Variants in GRIA3 observed in about 807,000 individuals in gnomAD.
GRIA3 encodes glutamate receptor 3.
Under a neutral mutation model 63.0 loss-of-function variants are expected in GRIA3, and 3 were observed. The ratio of observed to expected loss-of-function variants is 0.05; its 90% CI spans 0.02 to 0.12. The LOEUF is 0.12. Ranked by LOEUF, GRIA3 falls within the 10% of genes least tolerant of loss-of-function variation. GRIA3 has a pLI of 1.00. For missense variants in GRIA3, 347 were observed against 700.9 expected, an observed-to-expected ratio of 0.50 and a Z score of 5.70; for synonymous variants, 274 against 257.9, an observed-to-expected ratio of 1.06 and a Z score of -0.60.
chrX:123,251,607 C>T (rs772811444), intron 2 of GRIA3, among the ~76,000 whole-genome samples: 109 of 110,667 alleles, frequency 9.8e-4, no homozygotes, highest in Middle Eastern at 4.6e-3. Context: ...AGCTAATTTT[C>T]GTATTTTTAG....
At chrX:123,214,528 T>A (rs774974662) in intron 2 of GRIA3, among the ~76,000 whole-genome samples, 54 of 111,814 alleles carry the variant, frequency 4.8e-4, no homozygotes, top group Non-Finnish European at 8.7e-4. Context: ...TTCTCACAGT[T>A]GAAATCAGTC....
chrX:123,480,506 A>C (rs1006375274), intron 14 of GRIA3, among the ~76,000 whole-genome samples: 1 of 112,022 alleles, frequency 8.9e-6, no homozygotes, highest in Admixed American at 9.4e-5. Context: ...TATAATAACA[A>C]TAACAACAAC....
intron 10 of GRIA3, among the ~76,000 whole-genome samples, chrX:123,406,514 T>G (rs1354212901): frequency 9.0e-6 from 1 of 111,645 alleles, no homozygotes; most frequent in Admixed American, 9.5e-5. Flanking sequence ...AACAGGCCTT[T>G]GGGAGGAACC....
intron 2 of GRIA3, among the ~76,000 whole-genome samples, chrX:123,206,514 C>T (rs776109582): frequency 5.0e-4 from 56 of 112,146 alleles, no homozygotes; most frequent in African/African-American, 1.7e-3. Context: ...AATAAAAGAA[C>T]GCAGTGCCAA....
chrX:123,285,577 CAAAAAAAAAA>C lies in GRIA3; in HGVS notation c.508+32051_508+32060del, dbSNP rs59101106. ...AAATACTTTCCAAGCAAATGAAAAG[CAAAAAAAAAA>C]AAAAAAAAAAAAAAAGCAGGGGTTG... On this transcript the variant is annotated intron_variant, in intron 3 of 15. Transcript: ENST00000620443. 3.0e-4 allele frequency among the ~76,000 whole-genome samples: 3 copies of C among 10,168 alleles called. 1 individual carries two copies. The highest frequency in any genetic ancestry group is 1.3e-3 in the African/African-American group (3 of 2,341). The allele number at this position is 10,168 out of a possible 115,157, so 8.8% of individuals were successfully genotyped here.
At chrX:123,325,622 T>G (rs1285668782) in intron 3 of GRIA3, among the ~76,000 whole-genome samples, 1 of 112,098 alleles carries the variant, frequency 8.9e-6, no homozygotes, top group Non-Finnish European at 1.9e-5. Flanking sequence ...CTATCTCTAC[T>G]GAAGTTATTT....
chrX:123,232,680 C>G (rs1423465126), intron 2 of GRIA3, among the ~76,000 whole-genome samples: 1 of 110,933 alleles, frequency 9.0e-6, no homozygotes, highest in African/African-American at 3.3e-5. Flanking sequence ...ATCTCACGTA[C>G]TTTATAAATA....
chrX:123,192,435 A>G (rs1927462468), intron 2 of GRIA3, among the ~76,000 whole-genome samples: 2 of 111,448 alleles, frequency 1.8e-5, no homozygotes, highest in Admixed American at 9.5e-5. Flanking sequence ...TCTCACCGTC[A>G]CTAAATAGTA....
intron 5 of GRIA3, among the ~76,000 whole-genome samples, chrX:123,361,009 A>G (rs747130250): frequency 1.3e-4 from 14 of 109,407 alleles, no homozygotes; most frequent in Non-Finnish European, 1.9e-4. Flanking sequence ...ATGACATCTA[A>G]TTTTTCCAAA....
At chrX:123,189,571 G>A (rs774695508) in intron 2 of GRIA3, among the ~76,000 whole-genome samples, 60 of 112,508 alleles carry the variant, frequency 5.3e-4, no homozygotes, top group Admixed American at 2.5e-3. Context: ...TTCCCTCTCC[G>A]CACTGTCATT....
At chrX:123,325,704 G>A (rs986376514) in intron 3 of GRIA3, among the ~76,000 whole-genome samples, 3 of 111,978 alleles carry the variant, frequency 2.7e-5, no homozygotes, top group Non-Finnish European at 5.6e-5. Context: ...ATTGCAGGCA[G>A]TTGTAAGAAG....
intron 10 of GRIA3, among the ~76,000 whole-genome samples, chrX:123,414,393 C>T (rs181298298): frequency 3.6e-5 from 4 of 112,123 alleles, no homozygotes; most frequent in East Asian, 2.8e-4. Flanking sequence ...GGGTGGAGCC[C>T]GAGAACTGGC....
At chrX:123,453,807 G>A (rs1382377536) in intron 12 of GRIA3, among the ~76,000 whole-genome samples, 4 of 111,203 alleles carry the variant, frequency 3.6e-5, no homozygotes, top group Non-Finnish European at 7.6e-5. Flanking sequence ...GGATGGGGTG[G>A]GGAGGGCATC....
intron 12 of GRIA3, among the ~76,000 whole-genome samples, chrX:123,446,884 G>A (rs528174): frequency 0.032 from 3,574 of 111,089 alleles, 144 homozygotes; most frequent in African/African-American, 0.11. Flanking sequence ...AAGTATTAAT[G>A]GCCCACTCCA....
At chrX:123,199,866 T>G (rs1241800728) in intron 2 of GRIA3, among the ~76,000 whole-genome samples, 1 of 111,831 alleles carries the variant, frequency 8.9e-6, no homozygotes, top group Non-Finnish European at 1.9e-5. Flanking sequence ...CAAAACAAAG[T>G]CTTGAAGTCC....
intron 2 of GRIA3, among the ~76,000 whole-genome samples, chrX:123,244,664 A>G (rs1603045228): frequency 8.9e-6 from 1 of 112,378 alleles, no homozygotes; most frequent in Non-Finnish European, 1.9e-5. Context: ...GGGATATTTG[A>G]TGATGTTCTG....
intron 2 of GRIA3, among the ~76,000 whole-genome samples, chrX:123,223,819 C>T (rs781710164): frequency 6.2e-5 from 7 of 112,021 alleles, no homozygotes; most frequent in Non-Finnish European, 1.1e-4. Context: ...TCTGGCATGG[C>T]CTTTTAGTGA....
At chrX:123,485,611 T>G (rs1418767751) in intron 15 of GRIA3, among the ~76,000 whole-genome samples, 1 of 111,562 alleles carries the variant, frequency 9.0e-6, no homozygotes, top group African/African-American at 3.3e-5. Flanking sequence ...TCACCAAGCC[T>G]CCATATGCCC....
In GRIA3 at chrX:123,463,624, GAAAGAAA is replaced by G. The variant is rs2045810729; in HGVS notation, c.2077-1240_2077-1234del. On this transcript the variant is annotated intron_variant, in intron 12 of 15. Transcript: ENST00000620443. ...GGAGGGAGGGAGGGAAAGAAAGAAAGAAAGAAAGAAAGAAAGAAAGAAAGAAAGAAAG... is the reference window on the plus strand; with the variant it reads ...GGAGGGAGGGAGGGAAAGAAAGAAAGGAAAGAAAGAAAGAAAGAAAGAAAG... 7.5e-5 allele frequency among the ~76,000 whole-genome samples: 2 copies of G among 26,566 alleles called. 1 individual carries two copies. Among genetic ancestry groups the G allele is most frequent in the African/African-American group, 4.8e-4 (2 of 4,134 alleles). The allele number at this position is 26,566 out of a possible 115,157, so 23.1% of individuals were successfully genotyped here.
Sources: allele counts gnomAD v4.1 joint callset (sites outside exome capture counted in the v4.1 genomes callset), GRCh38; gene constraint gnomAD v4.1.1; transcripts MANE v1.5; gene names NCBI Gene and HGNC (gene_info 2026-07-23, HGNC 2026-07-21).